LRRIQ3: variants seen among roughly 807,000 people sequenced by gnomAD.
The protein encoded by LRRIQ3 is leucine-rich repeat and IQ domain-containing protein 3.
In LRRIQ3, 75 loss-of-function variants were observed where a neutral mutation model predicts 59.3. The observed-to-expected ratio is 1.26, with a 90% CI of 1.05 to 1.53. LRRIQ3 has a LOEUF of 1.53. Ranked by LOEUF, LRRIQ3 falls within the 40% of genes most tolerant of loss-of-function variation. LRRIQ3 has a pLI of 0.00. For missense variants in LRRIQ3, 831 were observed against 710.0 expected (o/e 1.17, Z -1.94); for synonymous variants, 250 against 231.3 (o/e 1.08, Z -0.73).
In LRRIQ3 at chr1:74,041,440, A is replaced by C; in HGVS notation, c.1491T>G (p.Ala497=). 1 of 1,613,758 alleles carries C rather than the reference A, an allele frequency of 6.2e-7. No individual in the cohort carries two copies. Among genetic ancestry groups the C allele is most frequent in the Non-Finnish European group, 8.5e-7 (1 of 1,179,882 alleles). ...TTAGAAACAGAGCTTTTCTCTCTCT[A>C]GCTTTTTCAAGGTAGTTGAATCTGT... The part of the protein sequence containing the change: ...WQNRFNYLEK[A]RERKALFLKE... Residue 497 remains alanine (A), a synonymous_variant, in exon 7 of 8, where the codon GCT becomes GCG. Coordinates refer to ENST00000354431, the MANE Select transcript of LRRIQ3 (RefSeq NM_001105659.2).
intron 1 of LRRIQ3, among the ~76,000 whole-genome samples, chr1:74,188,347 T>G (rs1197241692): frequency 2.0e-5 from 3 of 152,074 alleles, no homozygotes; most frequent in African/African-American, 7.2e-5. Flanking sequence ...ACTAAATCAA[T>G]TGTACAACAA....
At chr1:74,120,463 A>G (rs1646838793) in intron 4 of LRRIQ3, among the ~76,000 whole-genome samples, 1 of 152,116 alleles carries the variant, frequency 6.6e-6, no homozygotes, top group African/African-American at 2.4e-5. Flanking sequence ...AAGGGGAAAT[A>G]TAAAATTTTC....
In LRRIQ3 at chr1:74,030,633, T is replaced by A. The variant is rs1290307200; in HGVS notation, c.1719-3664A>T. Among the ~76,000 whole-genome samples the A allele has an allele frequency of 3.9e-5, 6 of 152,070 alleles. No homozygotes were observed. In the East Asian group the frequency reaches 7.7e-4, roughly 20 times the overall value. ...ATTCAAGATGGATTAAAGACTTAAA[T>A]GTTAGACCTAAAACCATAAAAACCC... On this transcript the variant is annotated intron_variant, in intron 7 of 7. Transcript: ENST00000354431.
intron 4 of LRRIQ3, among the ~76,000 whole-genome samples, chr1:74,113,627 T>C (rs1646734728): frequency 6.6e-6 from 1 of 152,040 alleles, no homozygotes. Context: ...ATTGTCAAAG[T>C]TCTGAGAGAA....
At chr1:74,183,772 CA>C in intron 1 of LRRIQ3, 88 bp from the exon 2 acceptor site, 1 of 1,163,140 alleles carries the variant, frequency 8.6e-7, no homozygotes, top group Non-Finnish European at 1.2e-6. Flanking sequence ...AGAGATAGCG[CA>C]AGTAAAAAGT....
chr1:74,075,219 C>A (rs1570072953), intron 5 of LRRIQ3, among the ~76,000 whole-genome samples: 1 of 152,006 alleles, frequency 6.6e-6, no homozygotes, highest in East Asian at 1.9e-4. Flanking sequence ...AAAGGAGGGA[C>A]AATAACAGGA....
chr1:74,033,938 T>C (rs1569998199), intron 7 of LRRIQ3, among the ~76,000 whole-genome samples: 1 of 152,134 alleles, frequency 6.6e-6, no homozygotes, highest in East Asian at 1.9e-4. Flanking sequence ...CAGACATGAA[T>C]ATCTTAGAAA....
intron 7 of LRRIQ3, among the ~76,000 whole-genome samples, chr1:74,034,014 C>T (rs1427847085): frequency 6.6e-6 from 1 of 151,944 alleles, no homozygotes; most frequent in Admixed American, 6.6e-5. Flanking sequence ...TTAATTAATG[C>T]TTAAATACTC....
intron 6 of LRRIQ3, among the ~76,000 whole-genome samples, chr1:74,052,247 C>G (rs910530009): frequency 4.6e-5 from 7 of 152,060 alleles, no homozygotes; most frequent in Admixed American, 3.3e-4. Context: ...CTAACTTTCT[C>G]TTTTTTTGAG....
chr1:74,173,570 T>G (rs920484207), intron 3 of LRRIQ3, among the ~76,000 whole-genome samples: 10 of 152,146 alleles, frequency 6.6e-5, no homozygotes, highest in African/African-American at 2.4e-4. Context: ...TAATAAAGTC[T>G]ATTTTAAGCT....
At chr1:74,147,233 AAAAGAAT>A (rs1454020555) in intron 4 of LRRIQ3, among the ~76,000 whole-genome samples, 6 of 152,302 alleles carry the variant, frequency 3.9e-5, no homozygotes, top group Admixed American at 2.6e-4. Context: ...GCATCAAAAG[AAAAGAAT>A]TGCCTACGAA....
intron 1 of LRRIQ3, among the ~76,000 whole-genome samples, chr1:74,188,452 T>A (rs1046419213): frequency 1.3e-5 from 2 of 152,160 alleles, no homozygotes; most frequent in Admixed American, 1.3e-4. Context: ...TTAAGAACCC[T>A]GGCTTCTTAG....
rs533264919 is a variant in LRRIQ3 at position 74,179,299 on chromosome 1, A to T, written c.573+3239T>A. ...CGTTTTTTTCTGACTCAAAAAATAAAGGTTAGAAATCATTTTATGTCACAA... is the reference window on the plus strand; with the variant it reads ...CGTTTTTTTCTGACTCAAAAAATAATGGTTAGAAATCATTTTATGTCACAA... On this transcript the variant is annotated intron_variant, in intron 3 of 7. Coordinates refer to ENST00000354431, the MANE Select transcript of LRRIQ3 (RefSeq NM_001105659.2). 1.8e-3 allele frequency among the ~76,000 whole-genome samples: 279 copies of T among 152,166 alleles called. No homozygotes were observed. The Middle Eastern group carries it at 0.024, about 13-fold the overall frequency.
At chr1:74,028,343 C>A (rs530511880) in intron 7 of LRRIQ3, among the ~76,000 whole-genome samples, 14 of 152,192 alleles carry the variant, frequency 9.2e-5, no homozygotes, top group Non-Finnish European at 1.0e-4. Flanking sequence ...TGTTCTTTCT[C>A]TCTCATTTTC....
intron 5 of LRRIQ3, among the ~76,000 whole-genome samples, chr1:74,081,751 G>A (rs1376084762): frequency 6.6e-6 from 1 of 151,218 alleles, no homozygotes; most frequent in African/African-American, 2.4e-5. Flanking sequence ...ACATTATCTA[G>A]TAGCTAACAT....
intron 5 of LRRIQ3, chr1:74,083,764 A>C (rs1244838932): frequency 6.4e-6 from 1 of 156,422 alleles, no homozygotes; most frequent in Non-Finnish European, 1.4e-5. Flanking sequence ...AATCTCTCTT[A>C]CATTGAACAA....
intron 1 of LRRIQ3, among the ~76,000 whole-genome samples, chr1:74,192,871 T>C (rs545451153): frequency 6.6e-6 from 1 of 152,312 alleles, no homozygotes; most frequent in East Asian, 1.9e-4. Flanking sequence ...GTGGGGATTT[T>C]TCATATTTTG....
intron 6 of LRRIQ3, among the ~76,000 whole-genome samples, chr1:74,051,417 T>C (rs183582340): frequency 6.6e-6 from 1 of 152,296 alleles, no homozygotes; most frequent in Admixed American, 6.5e-5. Flanking sequence ...CCATACCTAT[T>C]GTTGACATTT....
intron 1 of LRRIQ3, among the ~76,000 whole-genome samples, chr1:74,194,938 C>A (rs761391586): frequency 2.0e-5 from 3 of 152,062 alleles, no homozygotes; most frequent in Admixed American, 1.3e-4. Context: ...TTCCCCTCCC[C>A]GAAACCTCAT....
Sources: gnomAD v4.1 joint callset for allele counts (sites outside exome capture counted in the v4.1 genomes callset) on GRCh38, gnomAD v4.1.1 for gene constraint, MANE v1.5 for transcripts, NCBI Gene and HGNC (gene_info 2026-07-23, HGNC 2026-07-21) for gene names.